LONRF1: variants seen among roughly 807,000 people sequenced by gnomAD.
The protein encoded by LONRF1 is LON peptidase N-terminal domain and ring finger 1.
In LONRF1, 37 loss-of-function variants were observed where a neutral mutation model predicts 85.8. The observed-to-expected ratio is 0.43, with a 90% CI of 0.33 to 0.57. The LOEUF (loss-of-function observed/expected upper bound fraction) is 0.57, where lower values mean the gene tolerates loss of function less well. Ranked by LOEUF, LONRF1 falls within the 20% of genes least tolerant of loss-of-function variation. LONRF1 has a pLI of 0.04. For missense variants in LONRF1, 1,036 were observed against 978.0 expected (o/e 1.06, Z -0.79); for synonymous variants, 517 against 390.1 (o/e 1.33, Z -3.83).
Position 12,738,094 on chromosome 8 carries a change from T to C in LONRF1, c.1014A>G (p.Glu338=). 2 of 1,606,782 alleles carry C rather than the reference T, an allele frequency of 1.2e-6. No homozygotes were observed. The highest frequency in any genetic ancestry group is 1.7e-6 in the Non-Finnish European group (2 of 1,175,826). The change falls in exon 4 of 12, where the codon GAA becomes GAG. Residue 338 remains glutamate, a synonymous_variant. Coordinates refer to ENST00000398246, the MANE Select transcript of LONRF1 (RefSeq NM_152271.5). ...LPENLKEGLK[E]SSWSSLPCTK... ...TACATGGTAATGAACTCCAGGAAGA[T>C]TCCTTCAGGCCTTCTTTTAAGTTTT...
chr8:12,733,476 G>T (rs1004401260), intron 7 of LONRF1, among the ~76,000 whole-genome samples: 1 of 152,074 alleles, frequency 6.6e-6, no homozygotes, highest in Non-Finnish European at 1.5e-5. Flanking sequence ...CATCTGTTTT[G>T]TTCCCAATTT....
intron 6 of LONRF1, among the ~76,000 whole-genome samples, chr8:12,736,111 T>G (rs9325786): frequency 6.6e-6 from 1 of 152,042 alleles, no homozygotes; most frequent in East Asian, 1.9e-4. Context: ...TGCTCAGGAA[T>G]GTAACTGCTA....
intron 1 of LONRF1, among the ~76,000 whole-genome samples, chr8:12,752,264 T>A (rs1799437999): frequency 6.6e-6 from 1 of 152,198 alleles, no homozygotes; most frequent in South Asian, 2.1e-4. Flanking sequence ...TCCAAAGAAG[T>A]TAAAGCCTAA....
intron 10 of LONRF1, among the ~76,000 whole-genome samples, chr8:12,726,683 C>T (rs575238893): frequency 6.6e-5 from 10 of 152,298 alleles, no homozygotes; most frequent in African/African-American, 1.9e-4. Flanking sequence ...CTTGCCAGGT[C>T]GTGCTCTGTC....
intron 1 of LONRF1, among the ~76,000 whole-genome samples, chr8:12,750,836 G>T (rs574986327): frequency 1.3e-5 from 2 of 152,260 alleles, no homozygotes; most frequent in African/African-American, 4.8e-5. Flanking sequence ...ATGTAAAATT[G>T]CAAGGTTTAG....
At chr8:12,730,545 G>A (rs150502499) in intron 8 of LONRF1, among the ~76,000 whole-genome samples, 1 of 152,042 alleles carries the variant, frequency 6.6e-6, no homozygotes, top group East Asian at 1.9e-4. Context: ...CCAATGCGCA[G>A]CTCTCTGTGT....
intron 4 of LONRF1, 95 bp from the exon 5 acceptor site, chr8:12,737,235 AT>A (rs764829666): frequency 7.4e-7 from 1 of 1,356,728 alleles, no homozygotes; most frequent in Non-Finnish European, 1.0e-6. Context: ...TCAATGCCTT[AT>A]AATGCTCATT....
At chr8:12,741,913 C>A (rs1585245723) in intron 2 of LONRF1, among the ~76,000 whole-genome samples, 1 of 120 alleles carries the variant, frequency 8.3e-3, no homozygotes, top group African/African-American at 0.033. Flanking sequence ...AAATTCAGTC[C>A]TGTGGGTTGG....
At position 12,731,792 on chromosome 8, in the gene LONRF1, A is replaced by T; in HGVS notation, c.1632T>A (p.Pro544=). 1.9e-6 allele frequency: 3 copies of T among 1,612,790 alleles called. No homozygotes were observed. Among genetic ancestry groups the T allele is most frequent in the Non-Finnish European group, 2.5e-6 (3 of 1,178,922 alleles). Residue 544 remains proline, a synonymous_variant, in exon 8 of 12, where the codon CCT becomes CCA. Coordinates refer to ENST00000398246, the MANE Select transcript of LONRF1 (RefSeq NM_152271.5). The part of the protein sequence containing the change: ...LLEELIVKYL[P]DELSERKKIY... ...TTTTTTTTCTCTCAGACAGTTCATC[A>T]GGCAGATACTTCACTATTAATTCTT...
Position 12,737,145 on chromosome 8 carries a change from A to G in LONRF1, c.1114-5T>C, listed in dbSNP as rs758780627. The G allele has an allele frequency of 2.0e-5, 32 of 1,608,850 alleles. No individual in the cohort carries two copies. Among genetic ancestry groups the G allele is most frequent in the Non-Finnish European group, 2.5e-5 (29 of 1,177,802 alleles). On this transcript the variant is annotated splice_region_variant and splice_polypyrimidine_tract_variant and intron_variant, in intron 4 of 11. Transcript: ENST00000398246. ...GACCTCTGGTATTTCTTCACTCTAC[A>G]AAAATACAATAAACAAAGGTAACTG...
chr8:12,736,644 G>A, intron 6 of LONRF1, 57 bp downstream of exon 6: 1 of 1,120,082 alleles, frequency 8.9e-7, no homozygotes, highest in Non-Finnish European at 1.3e-6. Context: ...TATCTACACG[G>A]TATTTTATGT....
Position 12,737,073 on chromosome 8 carries a change from T to A in LONRF1, c.1181A>T (p.Gln394Leu), listed in dbSNP as rs780524999. The change falls in exon 5 of 12, where the codon CAG (glutamine) becomes CTG (leucine). Residue 394 changes from glutamine to leucine, a missense_variant. Coordinates refer to ENST00000398246, the MANE Select transcript of LONRF1 (RefSeq NM_152271.5). ...AGGCATTTCTGTTGAATTTATAGACTGTGCTGACTGAGCACGGTTTAAGCT... is the reference window on the plus strand; with the variant it reads ...AGGCATTTCTGTTGAATTTATAGACAGTGCTGACTGAGCACGGTTTAAGCT... Reference protein sequence around the residue: ...KGSLNRAQSAQSINSTEMPAR... With the variant: ...KGSLNRAQSALSINSTEMPAR... 3 of 1,613,634 alleles carry A rather than the reference T, an allele frequency of 1.9e-6. No homozygotes were observed. Among genetic ancestry groups the A allele is most frequent in the Non-Finnish European group, 1.7e-6 (2 of 1,179,646 alleles).
chr8:12,736,678 T>G (rs540290467), intron 6 of LONRF1, 23 bp downstream of exon 6: 2 of 1,482,636 alleles, frequency 1.3e-6, no homozygotes, highest in African/African-American at 2.8e-5. Flanking sequence ...ATATTCATCT[T>G]CTATAAAGTT....
intron 6 of LONRF1, among the ~76,000 whole-genome samples, chr8:12,735,781 A>G (rs1159331765): frequency 6.6e-6 from 1 of 152,230 alleles, no homozygotes; most frequent in African/African-American, 2.4e-5. Flanking sequence ...TACATCATTA[A>G]AAATCATTAG....
chr8:12,753,102 T>G (rs528879147), intron 1 of LONRF1: 1 of 152,256 alleles, frequency 6.6e-6, no homozygotes, highest in Non-Finnish European at 1.5e-5. Flanking sequence ...AGCAGAGTCA[T>G]GTGTATCAGA....
At chr8:12,744,486 A>G (rs1054120281) in intron 1 of LONRF1, among the ~76,000 whole-genome samples, 22 of 152,208 alleles carry the variant, frequency 1.4e-4, no homozygotes, top group African/African-American at 5.3e-4. Flanking sequence ...ATAAGAATTA[A>G]AAGTTCAATA....
At chr8:12,739,009 C>A (rs1350804682) in intron 3 of LONRF1, among the ~76,000 whole-genome samples, 1 of 152,094 alleles carries the variant, frequency 6.6e-6, no homozygotes. Flanking sequence ...GGTAGGTGCT[C>A]AAATACTCCA....
chr8:12,755,273 G>C lies in LONRF1; in HGVS notation c.148C>G (p.Leu50Val), dbSNP rs1353117509. The C allele has an allele frequency of 1.6e-6, 2 of 1,238,258 alleles. No individual in the cohort carries two copies. Among genetic ancestry groups the C allele is most frequent in the African/African-American group, 1.6e-5 (1 of 63,320 alleles). The allele number at this position is 1,238,258 out of a possible 1,614,324, so 76.7% of individuals were successfully genotyped here. The part of the protein sequence containing the change: ...RAAAESERWE[L>V]LLRRGELLAL... ...AGCAGCTCCCCGCGGCGGAGCAGCA[G>C]CTCCCAGCGCTCCGACTCCGCGGCC... The change falls in exon 1 of 12, where the codon CTG (leucine) becomes GTG (valine). Residue 50 changes from leucine (L) to valine (V), a missense_variant. This residue lies in a region of LONRF1 where 742 missense variants were observed against 614.4 expected (regional missense o/e 1.21). Coordinates refer to ENST00000398246, the MANE Select transcript of LONRF1 (RefSeq NM_152271.5).
chr8:12,752,643 C>G lies in LONRF1; in HGVS notation c.721+2057G>C, dbSNP rs1229070286. 2.6e-5 allele frequency among the ~76,000 whole-genome samples: 4 copies of G among 152,280 alleles called. No homozygotes were observed. The South Asian group carries it at 8.3e-4, about 32-fold the overall frequency. On this transcript the variant is annotated intron_variant, in intron 1 of 11. Coordinates refer to ENST00000398246, the MANE Select transcript of LONRF1 (RefSeq NM_152271.5). ...AAAGAGAGATTACATCTTTCAGAGCCTTTTCCTGTTAAACATAATATCCTC... is the reference window on the plus strand; with the variant it reads ...AAAGAGAGATTACATCTTTCAGAGCGTTTTCCTGTTAAACATAATATCCTC...
Sources: gnomAD v4.1 joint callset for allele counts (sites outside exome capture counted in the v4.1 genomes callset) on GRCh38, gnomAD v4.1.1 for gene constraint, gnomAD v4.1.1 regional missense constraint, MANE v1.5 for transcripts, NCBI Gene and HGNC (gene_info 2026-07-23, HGNC 2026-07-21) for gene names.